Variants in HS6ST3 observed in about 807,000 individuals in gnomAD.
HS6ST3 encodes heparan sulfate 6-O-sulfotransferase 3, also known as heparan-sulfate 6-O-sulfotransferase 3.
In HS6ST3, 12 loss-of-function variants were observed where a neutral mutation model predicts 36.7. That is an observed-to-expected ratio of 0.33 (90% CI 0.21 to 0.53). The LOEUF is 0.53. Ranked by LOEUF, HS6ST3 falls within the 20% of genes least tolerant of loss-of-function variation. The pLI, the probability that HS6ST3 is intolerant of heterozygous loss-of-function variation, is 0.95. For missense variants in HS6ST3, 584 were observed against 640.9 expected, an observed-to-expected ratio of 0.91 and a Z score of 0.96; for synonymous variants, 240 against 257.5, an observed-to-expected ratio of 0.93 and a Z score of 0.65.
intron 1 of HS6ST3, among the ~76,000 whole-genome samples, chr13:96,202,244 G>T (rs1318011771): frequency 6.6e-6 from 1 of 152,156 alleles, no homozygotes; most frequent in Non-Finnish European, 1.5e-5. Flanking sequence ...TTGATGCCCT[G>T]TGAAATGATT....
In HS6ST3 at chr13:96,820,974, A is replaced by G. The variant is rs118058683; in HGVS notation, c.708-11516A>G. Reference sequence around the variant, plus strand: ...TTTATTTCAATTCTCTTGCATAGCTATTTTCAGCCTTTATTGTTCTGACAT... The same window carrying G: ...TTTATTTCAATTCTCTTGCATAGCTGTTTTCAGCCTTTATTGTTCTGACAT... On this transcript the variant is annotated intron_variant, in intron 1 of 1. Coordinates refer to ENST00000376705, the MANE Select transcript of HS6ST3 (RefSeq NM_153456.4). 5.1e-3 allele frequency among the ~76,000 whole-genome samples: 777 copies of G among 152,196 alleles called. 4 individuals are homozygous for G. Among genetic ancestry groups the G allele is most frequent in the Middle Eastern group, 0.014 (4 of 294 alleles).
intron 1 of HS6ST3, among the ~76,000 whole-genome samples, chr13:96,733,738 C>G (rs1876216021): frequency 6.6e-6 from 1 of 152,176 alleles, no homozygotes; most frequent in African/African-American, 2.4e-5. Context: ...TGGGGAAACT[C>G]TTGGCATACC....
chr13:96,125,686 A>T (rs1307506580), intron 1 of HS6ST3, among the ~76,000 whole-genome samples: 1 of 151,536 alleles, frequency 6.6e-6, no homozygotes, highest in African/African-American at 2.4e-5. Context: ...TTTATAATTG[A>T]CTCTTTTTTG....
chr13:96,340,115 T>C (rs2055122700), intron 1 of HS6ST3, among the ~76,000 whole-genome samples: 4 of 152,242 alleles, frequency 2.6e-5, no homozygotes, highest in Admixed American at 2.0e-4. Flanking sequence ...TATTATGTAT[T>C]AGGTATGTTG....
At chr13:96,794,423 T>A (rs1414772603) in intron 1 of HS6ST3, among the ~76,000 whole-genome samples, 4 of 152,100 alleles carry the variant, frequency 2.6e-5, no homozygotes, top group African/African-American at 9.7e-5. Flanking sequence ...TAGACATATG[T>A]TAACAATGAA....
chr13:96,193,214 C>G (rs1324301466), intron 1 of HS6ST3, among the ~76,000 whole-genome samples: 1 of 152,172 alleles, frequency 6.6e-6, no homozygotes, highest in Admixed American at 6.5e-5. Flanking sequence ...GATTTTCCCA[C>G]CTCTATCTTG....
intron 1 of HS6ST3, among the ~76,000 whole-genome samples, chr13:96,180,256 A>G (rs1023957144): frequency 4.6e-5 from 7 of 152,204 alleles, no homozygotes; most frequent in Non-Finnish European, 1.0e-4. Context: ...TCTAAAACAG[A>G]TGACCAAATG....
At chr13:96,751,527 T>G (rs2138492586) in intron 1 of HS6ST3, among the ~76,000 whole-genome samples, 1 of 152,200 alleles carries the variant, frequency 6.6e-6, no homozygotes, top group East Asian at 1.9e-4. Context: ...GGGAATAAAT[T>G]TCTGTTGTTT....
At chr13:96,613,177 C>G (rs2056462263) in intron 1 of HS6ST3, among the ~76,000 whole-genome samples, 2 of 152,172 alleles carry the variant, frequency 1.3e-5, no homozygotes, top group African/African-American at 4.8e-5. Flanking sequence ...TGGTCTCTTT[C>G]TGATAGAATT....
intron 1 of HS6ST3, among the ~76,000 whole-genome samples, chr13:96,395,714 C>T (rs2055417738): frequency 6.6e-6 from 1 of 152,096 alleles, no homozygotes; most frequent in Non-Finnish European, 1.5e-5. Context: ...GGGTTGAATC[C>T]TTGAGGACAG....
intron 1 of HS6ST3, among the ~76,000 whole-genome samples, chr13:96,309,221 T>G (rs1227569455): frequency 6.6e-6 from 1 of 152,120 alleles, no homozygotes; most frequent in Non-Finnish European, 1.5e-5. Flanking sequence ...GCCATACATT[T>G]TTGAAGAAGG....
At chr13:96,787,549 A>G (rs1027580097) in intron 1 of HS6ST3, among the ~76,000 whole-genome samples, 2 of 152,072 alleles carry the variant, frequency 1.3e-5, no homozygotes, top group African/African-American at 2.4e-5. Flanking sequence ...GATATGTTAT[A>G]TGCTTATTTT....
At chr13:96,677,623 A>G (rs181324166) in intron 1 of HS6ST3, among the ~76,000 whole-genome samples, 1 of 152,132 alleles carries the variant, frequency 6.6e-6, no homozygotes, top group East Asian at 1.9e-4. Context: ...ATTAAATATC[A>G]TTTTTTCTTC....
At chr13:96,709,200 T>A (rs899467343) in intron 1 of HS6ST3, among the ~76,000 whole-genome samples, 3 of 152,348 alleles carry the variant, frequency 2.0e-5, no homozygotes, top group Non-Finnish European at 4.4e-5. Context: ...AGAAGGTGCC[T>A]GCTTCCCTTT....
intron 1 of HS6ST3, among the ~76,000 whole-genome samples, chr13:96,507,110 T>G (rs1298341982): frequency 3.3e-5 from 5 of 152,178 alleles, no homozygotes; most frequent in Non-Finnish European, 7.3e-5. Context: ...AATTGGTTTC[T>G]TCTTACTATT....
At chr13:96,589,359 CCTTT>C (rs1489985093) in intron 1 of HS6ST3, among the ~76,000 whole-genome samples, 2 of 151,870 alleles carry the variant, frequency 1.3e-5, no homozygotes, top group Non-Finnish European at 2.9e-5. Flanking sequence ...CTCTTATGAT[CCTTT>C]CTATTTCTGT....
At chr13:96,563,850 T>G (rs1295982604) in intron 1 of HS6ST3, among the ~76,000 whole-genome samples, 1 of 152,206 alleles carries the variant, frequency 6.6e-6, no homozygotes, top group Non-Finnish European at 1.5e-5. Flanking sequence ...TTACCCACTT[T>G]CATCTTACTG....
chr13:96,763,510 A>G (rs939666795), intron 1 of HS6ST3, among the ~76,000 whole-genome samples: 1 of 150,486 alleles, frequency 6.6e-6, no homozygotes, highest in Non-Finnish European at 1.5e-5. Flanking sequence ...TATATAATAT[A>G]TATTTGTGTA....
chr13:96,660,370 A>G (rs559047710), intron 1 of HS6ST3, among the ~76,000 whole-genome samples: 1 of 152,320 alleles, frequency 6.6e-6, no homozygotes, highest in South Asian at 2.1e-4. Flanking sequence ...AATAAATAGT[A>G]GAAGTTTGAC....
Sources: allele counts gnomAD v4.1 joint callset (sites outside exome capture counted in the v4.1 genomes callset), GRCh38; gene constraint gnomAD v4.1.1; transcripts MANE v1.5; gene names NCBI Gene and HGNC (gene_info 2026-07-23, HGNC 2026-07-21).